The following MAP4 variants were observed in gnomAD, a reference collection of about 807,000 sequenced individuals.
MAP4 encodes microtubule associated protein 4.
In MAP4, 76 loss-of-function variants were observed where a neutral mutation model predicts 170.2. The observed-to-expected ratio is 0.45, with a 90% CI of 0.37 to 0.54. The LOEUF is 0.54. Among genes scored for constraint, MAP4 ranks in the 20% least tolerant of loss-of-function variants. MAP4 has a pLI of 0.00. For missense variants in MAP4, 2,506 were observed against 2,748.0 expected (o/e 0.91, Z 1.97); for synonymous variants, 909 against 994.5 (o/e 0.91, Z 1.62).
At chr3:47,945,987 T>A (rs1054575475) in intron 3 of MAP4, among the ~76,000 whole-genome samples, 2 of 151,948 alleles carry the variant, frequency 1.3e-5, no homozygotes, top group African/African-American at 4.8e-5. Context: ...CAGGCTGGAG[T>A]GCAGTGGCAC....
chr3:47,862,729 A>G (rs544841476), intron 17 of MAP4, among the ~76,000 whole-genome samples: 6 of 152,218 alleles, frequency 3.9e-5, no homozygotes, highest in Admixed American at 3.9e-4. Flanking sequence ...CGCCTGCCTC[A>G]GCCTCCCAAA....
At position 47,998,635 on chromosome 3, in the gene MAP4, T is replaced by TA; in HGVS notation, c.223+2dup. The TA allele has an allele frequency of 6.2e-7, 1 of 1,611,300 alleles. No homozygotes were observed. The highest frequency in any genetic ancestry group is 8.5e-7 in the Non-Finnish European group (1 of 1,177,530). ...ATATAAGCAGTCTGGTTTAAATACTTACCTTCAATCTGGCTAGTTTCTGAG... is the reference window on the plus strand; with the variant it reads ...ATATAAGCAGTCTGGTTTAAATACTTAACCTTCAATCTGGCTAGTTTCTGAG... On this transcript the variant is annotated splice_region_variant and intron_variant, in intron 2 of 20. Transcript: ENST00000683076.
chr3:48,070,568 C>CT (rs1315157713), intron 1 of MAP4, among the ~76,000 whole-genome samples: 1 of 152,020 alleles, frequency 6.6e-6, no homozygotes, highest in Non-Finnish European at 1.5e-5. Context: ...GCAATCCTCC[C>CT]ATCCTTGGTA....
At chr3:47,984,821 T>C (rs978812863) in intron 2 of MAP4, among the ~76,000 whole-genome samples, 13 of 151,518 alleles carry the variant, frequency 8.6e-5, no homozygotes, top group African/African-American at 2.9e-4. Flanking sequence ...ATACAAAAAT[T>C]AGCCAGGTGT....
intron 3 of MAP4, chr3:47,975,483 G>C (rs1455731274): frequency 5.8e-6 from 9 of 1,538,918 alleles, no homozygotes; most frequent in Non-Finnish European, 8.0e-6. Context: ...GAGAAAAATA[G>C]AGAGGGAGGA....
At chr3:47,896,665 C>T (rs1451408955) in intron 10 of MAP4, among the ~76,000 whole-genome samples, 79 of 152,260 alleles carry the variant, frequency 5.2e-4, no homozygotes, top group Non-Finnish European at 4.4e-5. Context: ...GCCTAAGTCC[C>T]TGGACTGGAG....
At chr3:47,975,544 C>G in intron 3 of MAP4, 1 of 909,838 alleles carries the variant, frequency 1.1e-6, no homozygotes, top group Non-Finnish European at 1.8e-6. Flanking sequence ...CATTAGTAAA[C>G]AGCAAGTTCA....
chr3:48,059,456 A>G (rs1388386440), intron 1 of MAP4, among the ~76,000 whole-genome samples: 2 of 138,812 alleles, frequency 1.4e-5, no homozygotes, highest in Non-Finnish European at 3.0e-5. Flanking sequence ...TGGAGGTTAC[A>G]GTGAGCCGAG....
At chr3:47,953,273 G>A (rs1423976936) in intron 3 of MAP4, among the ~76,000 whole-genome samples, 9 of 152,096 alleles carry the variant, frequency 5.9e-5, no homozygotes, top group African/African-American at 9.7e-5. Context: ...GTTCACACCT[G>A]TAATCTCAGC....
chr3:48,020,875 T>C (rs2100110208), upstream of MAP4, among the ~76,000 whole-genome samples: 1 of 151,798 alleles, frequency 6.6e-6, no homozygotes, highest in African/African-American at 2.4e-5. Context: ...CATTGTACAC[T>C]ACAGCTTCAA....
intron 10 of MAP4, among the ~76,000 whole-genome samples, chr3:47,878,713 T>G (rs1301619278): frequency 1.3e-5 from 2 of 152,072 alleles, no homozygotes; most frequent in Non-Finnish European, 2.9e-5. Flanking sequence ...AATTTCTGTA[T>G]TTTTAGTAGA....
chr3:47,929,627 C>CAAAAAAAA lies in MAP4; in HGVS notation c.293-1285_293-1278dup, dbSNP rs71070242. Among the ~76,000 whole-genome samples the CAAAAAAAA allele has an allele frequency of 1.3e-3, 14 of 11,190 alleles. 2 individuals carry two copies. Among genetic ancestry groups the CAAAAAAAA allele is most frequent in the Admixed American group, 3.1e-3 (2 of 654 alleles). The allele number at this position is 11,190 out of a possible 152,430, so 7.3% of individuals were successfully genotyped here. A position where few individuals can be genotyped will look rare whatever the true frequency, so the allele number is the denominator to read the frequency against. ...GTAGCTCACTTGCTAACTTATTATG[C>CAAAAAAAA]AAAAAAAAAAAAAAAAAAAAAAAAA... is the stretch of plus-strand genomic sequence containing the variant. On this transcript the variant is annotated intron_variant, in intron 3 of 20. Transcript: ENST00000683076.
chr3:47,998,594 C>T, intron 2 of MAP4, 44 bp downstream of exon 2: 1 of 1,481,852 alleles, frequency 6.7e-7, no homozygotes. Flanking sequence ...TAATCCCTAA[C>T]CTGCTTTCTG....
chr3:47,857,194 G>C (rs1186595954), intron 18 of MAP4, among the ~76,000 whole-genome samples: 1 of 152,184 alleles, frequency 6.6e-6, no homozygotes, highest in Non-Finnish European at 1.5e-5. Context: ...CACACAGTAG[G>C]TACTCAAGAG....
chr3:48,071,834 G>T (rs2100141171), intron 1 of MAP4, among the ~76,000 whole-genome samples: 2 of 151,980 alleles, frequency 1.3e-5, no homozygotes, highest in African/African-American at 2.4e-5. Context: ...AACCCAGGAG[G>T]CAGAGGTTGC....
chr3:47,999,691 C>G (rs1191116486), intron 1 of MAP4, among the ~76,000 whole-genome samples: 2 of 151,936 alleles, frequency 1.3e-5, no homozygotes, highest in African/African-American at 4.8e-5. Flanking sequence ...ACTGGGGTCT[C>G]CTGGAGGGTG....
chr3:47,997,370 AAG>A (rs1255675497), intron 2 of MAP4, among the ~76,000 whole-genome samples: 1 of 150,170 alleles, frequency 6.7e-6, no homozygotes, highest in Non-Finnish European at 1.5e-5. Context: ...GGCAGACACA[AAG>A]AGGAATTCAC....
At chr3:48,028,009 G>A (rs1218579427) in intron 1 of MAP4, among the ~76,000 whole-genome samples, 1 of 152,126 alleles carries the variant, frequency 6.6e-6, no homozygotes, top group East Asian at 1.9e-4. Flanking sequence ...AACGTTGCAG[G>A]GGCCAGGCAC....
Position 48,039,085 on chromosome 3 carries a change from C to G in MAP4, c.-19-40206G>C, listed in dbSNP as rs149754531. On this transcript the variant is annotated intron_variant, in intron 1 of 18. Coordinates refer to the MAP4 transcript ENST00000360240. ...TACCACTGCACTCCAGCCTGGGAGA[C>G]AGAGGGAAACTCTGTCTCAAAAAAA... Among the ~76,000 whole-genome samples, 293 of 152,074 alleles carry G rather than the reference C, an allele frequency of 1.9e-3. 1 individual carries two copies. Among genetic ancestry groups the G allele is most frequent in the Non-Finnish European group, 3.2e-3 (217 of 67,984 alleles).
Sources: allele counts gnomAD v4.1 joint callset (sites outside exome capture counted in the v4.1 genomes callset), GRCh38; gene constraint gnomAD v4.1.1; transcripts MANE v1.5; gene names NCBI Gene and HGNC (gene_info 2026-07-23, HGNC 2026-07-21).